The following RYR3 variants were observed in gnomAD, a reference collection of about 807,000 sequenced individuals.
The protein encoded by RYR3 is brain ryanodine receptor-calcium release channel.
RYR3 carries 207 observed loss-of-function variants against 584.3 expected under a neutral mutation model. That is an observed-to-expected ratio of 0.35 (90% CI 0.32 to 0.40). The LOEUF (loss-of-function observed/expected upper bound fraction) is 0.40. RYR3 is among the 10% of genes least tolerant of loss of function. RYR3 has a pLI of 1.00. For missense variants in RYR3, 5,616 were observed against 6,089.2 expected, an observed-to-expected ratio of 0.92 and a Z score of 2.59; for synonymous variants, 2,416 against 2,248.5, an observed-to-expected ratio of 1.07 and a Z score of -2.11.
rs565115359 is a variant in RYR3 at position 33,662,204 on chromosome 15, T to C, written c.4674T>C (p.His1558=). 3 of 1,608,214 alleles carry C rather than the reference T, an allele frequency of 1.9e-6. No homozygotes were observed. In the Admixed American group the frequency reaches 5.1e-5, roughly 27 times the overall value. The change falls in exon 35 of 104, where the codon CAT becomes CAC. Residue 1558 remains histidine (H), a synonymous_variant. Coordinates refer to ENST00000634891, the MANE Select transcript of RYR3 (RefSeq NM_001036.6). ...LCEQEDLMRF[H]YHTLRLYSAV... ...AGCAGGAGGACCTGATGCGGTTCCA[T>C]TACCACACGCTGAGGCTCTACAGCG...
At chr15:33,607,931 G>A (rs1030067159) in intron 18 of RYR3, among the ~76,000 whole-genome samples, 1 of 152,134 alleles carries the variant, frequency 6.6e-6, no homozygotes, top group African/African-American at 2.4e-5. Flanking sequence ...CGTTATTCCT[G>A]TTTGACAGAT....
intron 1 of RYR3, among the ~76,000 whole-genome samples, chr15:33,319,865 A>T (rs1968712152): frequency 6.6e-6 from 1 of 152,158 alleles, no homozygotes; most frequent in African/African-American, 2.4e-5. Context: ...TACATTAGGA[A>T]CTCCAGGAAC....
chr15:33,497,194 C>T (rs2051517259), intron 2 of RYR3, among the ~76,000 whole-genome samples: 1 of 152,142 alleles, frequency 6.6e-6, no homozygotes, highest in Non-Finnish European at 1.5e-5. Flanking sequence ...GCAGAGATAC[C>T]CATACATCAC....
intron 12 of RYR3, among the ~76,000 whole-genome samples, chr15:33,577,689 A>C (rs1485262058): frequency 2.0e-5 from 3 of 152,256 alleles, no homozygotes; most frequent in Non-Finnish European, 4.4e-5. Flanking sequence ...AGGCAATACC[A>C]TTCAGGACAT....
rs1382674463 is a variant in RYR3 at position 33,838,517 on chromosome 15, G to A, written c.12537G>A (p.Glu4179=). ...ACGTGAAAAAGATGACTGCGAAGGA[G>A]CTGGTGAAGGTGCTCTTCTCCTTTT... is the stretch of plus-strand genomic sequence containing the variant. The part of the protein sequence containing the change: ...YRNVKKMTAK[E]LVKVLFSFFW... Residue 4179 remains glutamate, a synonymous_variant, in exon 89 of 104, where the codon GAG becomes GAA. Transcript: ENST00000634891. 6.2e-7 allele frequency: 1 copy of A among 1,613,888 alleles called. No individual in the cohort carries two copies. Among genetic ancestry groups the A allele is most frequent in the African/African-American group, 1.3e-5 (1 of 74,916 alleles).
chr15:33,349,593 AT>A (rs200905535), intron 1 of RYR3, among the ~76,000 whole-genome samples: 11,842 of 135,478 alleles, frequency 0.087, 555 homozygotes, highest in African/African-American at 0.13. Flanking sequence ...TTTTCTTCAG[AT>A]TTTTTTTTTT....
chr15:33,765,646 AAAAAAAAAAG>A (rs1463294217), intron 60 of RYR3, among the ~76,000 whole-genome samples: 1 of 151,476 alleles, frequency 6.6e-6, no homozygotes, highest in Non-Finnish European at 1.5e-5. Flanking sequence ...AAAAAAAAAA[AAAAAAAAAAG>A]AAAATAGTCT....
At chr15:33,349,730 G>A (rs797011153) in intron 1 of RYR3, among the ~76,000 whole-genome samples, 4 of 135,864 alleles carry the variant, frequency 2.9e-5, no homozygotes, top group African/African-American at 1.2e-4. Flanking sequence ...ATCTCCCAAT[G>A]CTATCCCTCC....
intron 38 of RYR3, among the ~76,000 whole-genome samples, chr15:33,672,741 C>A (rs1036856378): frequency 6.6e-6 from 1 of 152,074 alleles, no homozygotes; most frequent in Non-Finnish European, 1.5e-5. Context: ...TTTCTATTAC[C>A]CTTGCATTTG....
At position 33,581,520 on chromosome 15, in the gene RYR3, C is replaced by T; in HGVS notation, c.1450C>T (p.Leu484Phe). ...CTCTCCTTCTCAGGGAATGTTGGCC[C>T]TTGTCTTAAATTGCATTGACCGCTT... Reference protein sequence around the residue: ...NLFKEEGMLALVLNCIDRLNV... With the variant: ...NLFKEEGMLAFVLNCIDRLNV... Residue 484 changes from leucine to phenylalanine, a missense_variant, in exon 14 of 104, where the codon CTT becomes TTT. By Grantham distance (22) the Leu-to-Phe change is conservative. Transcript: ENST00000634891. The T allele has an allele frequency of 6.2e-7, 1 of 1,613,638 alleles. No homozygotes were observed. The highest frequency in any genetic ancestry group is 8.5e-7 in the Non-Finnish European group (1 of 1,179,618).
chr15:33,380,501 C>T (rs2041102040), intron 1 of RYR3, among the ~76,000 whole-genome samples: 1 of 152,182 alleles, frequency 6.6e-6, no homozygotes, highest in Admixed American at 6.5e-5. Flanking sequence ...CTAGAGATGG[C>T]TGAGCGATTA....
chr15:33,385,384 A>G (rs1041508845), intron 1 of RYR3, among the ~76,000 whole-genome samples: 2 of 152,186 alleles, frequency 1.3e-5, no homozygotes, highest in African/African-American at 4.8e-5. Flanking sequence ...TGAAAATGCC[A>G]GGATACTTCA....
chr15:33,558,347 T>G (rs1175765144), intron 10 of RYR3, among the ~76,000 whole-genome samples: 15 of 115,338 alleles, frequency 1.3e-4, no homozygotes, highest in Non-Finnish European at 2.0e-5. Context: ...ACATGCGGTG[T>G]TTGGTTTTTT....
intron 3 of RYR3, among the ~76,000 whole-genome samples, chr15:33,504,533 A>T (rs72727615): frequency 0.086 from 13,155 of 152,228 alleles, 711 homozygotes; most frequent in Middle Eastern, 0.14. Context: ...AATTGCTTTG[A>T]TTCCTCCTAT....
In RYR3 at chr15:33,821,505, G is replaced by A. The variant is rs1461238644; in HGVS notation, c.10916-18G>A. ...CATCTGTTTCCTTGGTGATTCAATC[G>A]AATCTTCACCATGGCAGGTGAGATG... On this transcript the variant is annotated intron_variant, in intron 79 of 103. Coordinates refer to ENST00000634891, the MANE Select transcript of RYR3 (RefSeq NM_001036.6). 8 of 1,613,416 alleles carry A rather than the reference G, an allele frequency of 5.0e-6. No individual in the cohort carries two copies. Among genetic ancestry groups the A allele is most frequent in the Non-Finnish European group, 6.8e-6 (8 of 1,179,496 alleles).
At chr15:33,794,334 T>TATATAACATATA (rs1216564897) in intron 67 of RYR3, among the ~76,000 whole-genome samples, 2 of 87,076 alleles carry the variant, frequency 2.3e-5, no homozygotes, top group East Asian at 3.3e-4. Context: ...TTTATATATG[T>TATATAACATATA]TTATATATAT....
intron 78 of RYR3, 32 bp downstream of exon 78, chr15:33,820,844 A>AC (rs1448405692): frequency 6.5e-7 from 1 of 1,528,812 alleles, no homozygotes; most frequent in Non-Finnish European, 8.9e-7. Flanking sequence ...AAATAGAGCC[A>AC]CCCTCCAAGG....
At position 33,644,649 on chromosome 15, in the gene RYR3, C is replaced by T. The variant is rs895036004; in HGVS notation, c.3765+130C>T. 17 of 664,614 alleles carry T rather than the reference C, an allele frequency of 2.6e-5. No individual in the cohort carries two copies. The Admixed American group carries it at 2.6e-4, about 10-fold the overall frequency. 41.2% of individuals were successfully genotyped at this position (664,614 alleles called of 1,614,324 possible). ...CCTGGCCACTTACCAGCCACCTCCC[C>T]TCTGGCCCTCAGAGCTGCAGTTGCA... On this transcript the variant is annotated intron_variant, in intron 28 of 103. Transcript: ENST00000634891.
intron 53 of RYR3, among the ~76,000 whole-genome samples, chr15:33,746,920 C>T (rs2070781914): frequency 6.6e-6 from 1 of 150,964 alleles, no homozygotes; most frequent in Admixed American, 6.6e-5. Flanking sequence ...GTGATCCTCC[C>T]ACCTCAGCCT....
Sources: allele counts gnomAD v4.1 joint callset (sites outside exome capture counted in the v4.1 genomes callset), GRCh38; gene constraint gnomAD v4.1.1; transcripts MANE v1.5; gene names NCBI Gene and HGNC (gene_info 2026-07-23, HGNC 2026-07-21).